CAPN13: variants seen among roughly 807,000 people sequenced by gnomAD.
The protein encoded by CAPN13 is calpain 13, also known as calpain-13.
A neutral mutation model predicts 98.4 loss-of-function variants in CAPN13; 90 were observed. The ratio of observed to expected loss-of-function variants is 0.92; its 90% CI spans 0.77 to 1.09. CAPN13 has a LOEUF of 1.09. Among genes scored for constraint, CAPN13 ranks in the 50% least tolerant of loss-of-function variants. The pLI, the probability that CAPN13 is intolerant of heterozygous loss-of-function variation, is 0.00. For synonymous variants in CAPN13, 330 were observed against 305.5 expected (o/e 1.08, Z -0.84); for missense variants, 887 against 841.3 (o/e 1.05, Z -0.67).
At chr2:30,725,853 G>A (rs941705794) in intron 22 of CAPN13, among the ~76,000 whole-genome samples, 1 of 152,096 alleles carries the variant, frequency 6.6e-6, no homozygotes, top group Non-Finnish European at 1.5e-5. Flanking sequence ...AAAAGTGAGG[G>A]AAAAATAGGC....
chr2:30,764,148 C>T lies in CAPN13; in HGVS notation c.683G>A (p.Cys228Tyr). ...TATKAGSLIT[C>Y]ATPSGPTDTA... ...GTGACTTACCCCACTTGGAGTGGCACAGGTTATCAGGGAGCCTGCCTTGGT... is the reference window on the plus strand; with the variant it reads ...GTGACTTACCCCACTTGGAGTGGCATAGGTTATCAGGGAGCCTGCCTTGGT... Residue 228 changes from cysteine to tyrosine, a missense_variant, in exon 6 of 23, where the codon TGT becomes TAT. By Grantham distance (194) the Cys-to-Tyr change is radical. Transcript: ENST00000295055. 1 of 1,575,376 alleles carries T rather than the reference C, an allele frequency of 6.3e-7. No homozygotes were observed. The highest frequency in any genetic ancestry group is 1.2e-5 in the South Asian group (1 of 85,822).
chr2:30,777,462 G>A (rs1673760433), intron 3 of CAPN13, 105 bp downstream of exon 3: 1 of 983,514 alleles, frequency 1.0e-6, no homozygotes, highest in East Asian at 2.6e-5. Context: ...GCAGCACCAA[G>A]GGAACTGGCC....
rs72100161 is a variant in CAPN13 at position 30,805,747 on chromosome 2, C to CTTTTTTTTT, written c.-33+1546_-33+1554dup. 3.2e-4 allele frequency among the ~76,000 whole-genome samples: 39 copies of CTTTTTTTTT among 121,498 alleles called. 2 individuals carry two copies. Among genetic ancestry groups the CTTTTTTTTT allele is most frequent in the Admixed American group, 4.8e-4 (6 of 12,490 alleles). The allele number at this position is 121,498 out of a possible 152,430, so 79.7% of individuals were successfully genotyped here. The stretch of plus-strand genomic sequence containing the variant: ...TGAGCCTCAGGGCCAGTAGGTTGGT[C>CTTTTTTTTT]TTTTTTTTTTGAGACAGGGTCTTGC... On this transcript the variant is annotated intron_variant, in intron 1 of 22. Transcript: ENST00000295055.
At chr2:30,776,621 C>T (rs568002537) in intron 3 of CAPN13, among the ~76,000 whole-genome samples, 2 of 152,160 alleles carry the variant, frequency 1.3e-5, no homozygotes, top group African/African-American at 2.4e-5. Context: ...TAGCTCAGCC[C>T]GTCCCTGTGC....
rs757310959 is a variant in CAPN13, at chr2:30,753,147, G to A, written c.993C>T (p.Ser331=). 2.2e-5 allele frequency: 35 copies of A among 1,613,814 alleles called. No homozygotes were observed. The highest frequency in any genetic ancestry group is 3.3e-5 in the South Asian group (3 of 91,080). Reference sequence around the variant, plus strand: ...CATGGTCCAGGGTAATTGGAATTTCGCTACATATAAACATGGCGATGAATT... The same window carrying A: ...CATGGTCCAGGGTAATTGGAATTTCACTACATATAAACATGGCGATGAATT... ...QQKFIAMFIC[S]EIPITLDHGN... Residue 331 remains serine, a synonymous_variant, in exon 10 of 23, where the codon AGC becomes AGT. Coordinates refer to ENST00000295055, the MANE Select transcript of CAPN13 (RefSeq NM_144575.3).
intron 4 of CAPN13, among the ~76,000 whole-genome samples, chr2:30,772,310 T>A (rs148058960): frequency 6.6e-6 from 1 of 152,074 alleles, no homozygotes; most frequent in Non-Finnish European, 1.5e-5. Context: ...GAAACCAGAG[T>A]GTTTTAGGCA....
chr2:30,771,002 G>A lies in CAPN13; in HGVS notation c.388-553C>T, dbSNP rs61202392. On this transcript the variant is annotated intron_variant, in intron 4 of 22. Coordinates refer to ENST00000295055, the MANE Select transcript of CAPN13 (RefSeq NM_144575.3). ...ATGACATGGATGGCTCAGGAGGACCGAGCAGTGACAGCCTCCCTCTGGCCC... is the reference window on the plus strand; with the variant it reads ...ATGACATGGATGGCTCAGGAGGACCAAGCAGTGACAGCCTCCCTCTGGCCC... 7.7e-3 allele frequency among the ~76,000 whole-genome samples: 1,170 copies of A among 152,260 alleles called. 24 individuals carry two copies. The highest frequency in any genetic ancestry group is 0.027 in the African/African-American group (1,107 of 41,550).
chr2:30,742,487 G>A (rs531957773), intron 13 of CAPN13, 128 bp from the exon 14 acceptor site: 95 of 972,430 alleles, frequency 9.8e-5, no homozygotes, highest in South Asian at 1.3e-4. Context: ...CCTCAGCACC[G>A]CAGGACACGA....
intron 11 of CAPN13, among the ~76,000 whole-genome samples, chr2:30,747,360 G>A (rs770955421): frequency 1.3e-4 from 20 of 152,304 alleles, no homozygotes; most frequent in Middle Eastern, 6.8e-3. Flanking sequence ...TCACCACCAG[G>A]TGATGTCTTC....
chr2:30,773,449 A>G (rs1354920564), intron 4 of CAPN13, among the ~76,000 whole-genome samples: 1 of 152,210 alleles, frequency 6.6e-6, no homozygotes, highest in Non-Finnish European at 1.5e-5. Flanking sequence ...ATGAGTTTTA[A>G]ATATGCTTTT....
intron 17 of CAPN13, chr2:30,738,005 A>ACACC (rs1463530899): frequency 7.8e-6 from 4 of 513,068 alleles, no homozygotes; most frequent in Admixed American, 3.2e-5. Context: ...ACACACACAC[A>ACACC]CCCCAGTACA....
intron 7 of CAPN13, 141 bp from the exon 8 acceptor site, chr2:30,758,278 G>A (rs1253319522): frequency 8.2e-6 from 5 of 607,100 alleles, no homozygotes; most frequent in Admixed American, 3.3e-5. Context: ...AAAATTGAAA[G>A]GGAAAAAAAA....
chr2:30,756,120 C>T (rs531302965), intron 8 of CAPN13, among the ~76,000 whole-genome samples: 13 of 152,014 alleles, frequency 8.6e-5, no homozygotes, highest in Non-Finnish European at 1.8e-4. Flanking sequence ...CCGTCTCCCC[C>T]AGTCCCTGCT....
At chr2:30,805,063 AC>A (rs1675530282) in intron 1 of CAPN13, among the ~76,000 whole-genome samples, 1 of 152,090 alleles carries the variant, frequency 6.6e-6, no homozygotes, top group South Asian at 2.1e-4. Flanking sequence ...CCACTTCTGG[AC>A]TCAGATGAGG....
intron 4 of CAPN13, among the ~76,000 whole-genome samples, chr2:30,772,331 G>C (rs1673451900): frequency 1.3e-5 from 2 of 152,222 alleles, no homozygotes; most frequent in African/African-American, 2.4e-5. Context: ...AAGCATCTGA[G>C]GTGACCTGGG....
intron 7 of CAPN13, among the ~76,000 whole-genome samples, chr2:30,759,085 CTCTGCCTCCCTTCATCCCTCCCTCCCTT>C (rs1282048324): frequency 1.1e-5 from 1 of 90,546 alleles, no homozygotes; most frequent in African/African-American, 4.5e-5. Context: ...CTCCCTTCCT[CTCTGCCTCCCTTCATCCCTCCCTCCCTT>C]TCTTCCTCTG....
chr2:30,726,190 G>C (rs143609354), intron 22 of CAPN13, among the ~76,000 whole-genome samples: 2 of 152,316 alleles, frequency 1.3e-5, no homozygotes, highest in African/African-American at 4.8e-5. Flanking sequence ...CATCAAGCAA[G>C]TAATGAAAAG....
intron 6 of CAPN13, 104 bp from the exon 7 acceptor site, chr2:30,763,260 C>G (rs1356519661): frequency 4.1e-6 from 4 of 966,474 alleles, no homozygotes; most frequent in African/African-American, 1.6e-5. Context: ...GCCTCACTGA[C>G]TCACTTGGGA....
chr2:30,749,187 G>A (rs938107985), intron 11 of CAPN13, among the ~76,000 whole-genome samples: 1 of 152,166 alleles, frequency 6.6e-6, no homozygotes, highest in Non-Finnish European at 1.5e-5. Flanking sequence ...CTGAATATCT[G>A]AAATGCAAAT....
Sources: gnomAD v4.1 joint callset for allele counts (sites outside exome capture counted in the v4.1 genomes callset) on GRCh38, gnomAD v4.1.1 for gene constraint, MANE v1.5 for transcripts, NCBI Gene and HGNC (gene_info 2026-07-23, HGNC 2026-07-21) for gene names.